CDYL2: variants seen among roughly 807,000 people sequenced by gnomAD.
CDYL2 encodes the protein chromodomain Y-like protein 2.
In CDYL2, 23 loss-of-function variants were observed where a neutral mutation model predicts 49.4. The observed-to-expected ratio is 0.47, with a 90% CI of 0.34 to 0.66. The LOEUF (loss-of-function observed/expected upper bound fraction) is 0.66. Ranked by LOEUF, CDYL2 falls within the 30% of genes least tolerant of loss-of-function variation. The pLI is 0.01. For missense variants in CDYL2, 678 were observed against 656.4 expected (o/e 1.03, Z -0.36); for synonymous variants, 360 against 268.8 (o/e 1.34, Z -3.32).
At chr16:80,685,191 G>T (rs758056930) in intron 1 of CDYL2, 62 bp from the exon 2 acceptor site, 1 of 1,302,708 alleles carries the variant, frequency 7.7e-7, no homozygotes, top group Non-Finnish European at 1.1e-6. Context: ...CTCAGTTCGA[G>T]GCAACAAGAA....
chr16:80,654,206 C>T (rs1432477187), intron 2 of CDYL2, among the ~76,000 whole-genome samples: 1 of 152,172 alleles, frequency 6.6e-6, no homozygotes, highest in African/African-American at 2.4e-5. Flanking sequence ...AAAGTCACTA[C>T]AGAGACTGAG....
At chr16:80,765,393 A>C (rs985810267) in intron 1 of CDYL2, among the ~76,000 whole-genome samples, 1 of 151,842 alleles carries the variant, frequency 6.6e-6, no homozygotes, top group Non-Finnish European at 1.5e-5. Context: ...AAGAAGTTAC[A>C]TATTTTCAGC....
intron 2 of CDYL2, among the ~76,000 whole-genome samples, chr16:80,679,151 T>C (rs1276774115): frequency 6.7e-6 from 1 of 149,264 alleles, no homozygotes; most frequent in African/African-American, 2.5e-5. Context: ...TTGGGAGATA[T>C]ACCTAATGCT....
At chr16:80,776,765 C>T (rs1402204813) in intron 1 of CDYL2, among the ~76,000 whole-genome samples, 3 of 151,494 alleles carry the variant, frequency 2.0e-5, no homozygotes, top group Non-Finnish European at 4.4e-5. Flanking sequence ...AAATTTTAAA[C>T]CCAGGAAAAA....
intron 1 of CDYL2, among the ~76,000 whole-genome samples, chr16:80,768,091 C>A (rs910658010): frequency 2.6e-5 from 4 of 152,198 alleles, no homozygotes; most frequent in Admixed American, 2.6e-4. Context: ...CCCATTCCCC[C>A]ACTGCCACAC....
chr16:80,681,537 C>T (rs1281209681), intron 2 of CDYL2, among the ~76,000 whole-genome samples: 1 of 152,164 alleles, frequency 6.6e-6, no homozygotes, highest in African/African-American at 2.4e-5. Context: ...GAACCTCAAA[C>T]CACTCTCTTC....
At chr16:80,683,299 G>T (rs1359539389) in intron 2 of CDYL2, among the ~76,000 whole-genome samples, 1 of 152,198 alleles carries the variant, frequency 6.6e-6, no homozygotes, top group Admixed American at 6.5e-5. Flanking sequence ...AGAGACAAAT[G>T]CCACCAGGTA....
At chr16:80,734,267 G>A (rs1402543067) in intron 1 of CDYL2, among the ~76,000 whole-genome samples, 1 of 152,178 alleles carries the variant, frequency 6.6e-6, no homozygotes, top group Non-Finnish European at 1.5e-5. Context: ...GAAAGGCAAG[G>A]AGATTTCAAG....
chr16:80,754,392 C>A (rs1906238389), intron 1 of CDYL2, among the ~76,000 whole-genome samples: 1 of 152,184 alleles, frequency 6.6e-6, no homozygotes, highest in South Asian at 2.1e-4. Flanking sequence ...AAGCCACAAG[C>A]AAAGGCCACC....
intron 1 of CDYL2, among the ~76,000 whole-genome samples, chr16:80,779,843 C>T (rs1253027086): frequency 6.6e-6 from 1 of 152,114 alleles, no homozygotes; most frequent in Non-Finnish European, 1.5e-5. Context: ...ATGGTGAACA[C>T]TGCTAAATTA....
intron 1 of CDYL2, among the ~76,000 whole-genome samples, chr16:80,708,594 A>C (rs943867493): frequency 1.3e-5 from 2 of 152,208 alleles, no homozygotes; most frequent in African/African-American, 4.8e-5. Context: ...TCCCATTTTG[A>C]GGATGAGGCT....
At chr16:80,618,485 C>T (rs1906931731) in intron 4 of CDYL2, among the ~76,000 whole-genome samples, 1 of 152,204 alleles carries the variant, frequency 6.6e-6, no homozygotes, top group Non-Finnish European at 1.5e-5. Context: ...GTCAAGGAGA[C>T]ACTTCCCTCA....
intron 5 of CDYL2, among the ~76,000 whole-genome samples, chr16:80,609,095 G>A (rs1906478921): frequency 6.6e-6 from 1 of 152,136 alleles, no homozygotes; most frequent in African/African-American, 2.4e-5. Context: ...GGTGACCTGG[G>A]ATATCTCTGT....
At chr16:80,670,932 C>A (rs928930686) in intron 2 of CDYL2, 9 of 455,982 alleles carry the variant, frequency 2.0e-5, no homozygotes, top group Middle Eastern at 3.2e-4. Context: ...GCCTCACCAG[C>A]TGTTCTTCCA....
intron 1 of CDYL2, among the ~76,000 whole-genome samples, chr16:80,692,414 G>A (rs1409150998): frequency 6.6e-6 from 1 of 152,122 alleles, no homozygotes; most frequent in Admixed American, 6.5e-5. Context: ...ATGAGAACGG[G>A]GGAAGAAGAT....
intron 2 of CDYL2, among the ~76,000 whole-genome samples, chr16:80,682,361 G>A (rs143067918): frequency 2.0e-5 from 3 of 152,336 alleles, no homozygotes; most frequent in African/African-American, 7.2e-5. Flanking sequence ...ACAATCAACG[G>A]ATCTCAACAG....
chr16:80,793,789 T>C (rs796706850), intron 1 of CDYL2, among the ~76,000 whole-genome samples: 16 of 152,214 alleles, frequency 1.1e-4, no homozygotes, highest in African/African-American at 3.4e-4. Context: ...TTTGTAAGTT[T>C]AGCTTATGAT....
chr16:80,763,526 C>A (rs1375928420), intron 1 of CDYL2, among the ~76,000 whole-genome samples: 1 of 151,966 alleles, frequency 6.6e-6, no homozygotes, highest in Non-Finnish European at 1.5e-5. Context: ...GTGGGAGAAT[C>A]ACTTGAACCC....
intron 1 of CDYL2, among the ~76,000 whole-genome samples, chr16:80,780,187 C>T (rs1907217986): frequency 6.6e-6 from 1 of 152,030 alleles, no homozygotes; most frequent in African/African-American, 2.4e-5. Flanking sequence ...TACCATTCTA[C>T]AAACTTCTAA....
Sources: gnomAD v4.1 joint callset for allele counts (sites outside exome capture counted in the v4.1 genomes callset) on GRCh38, gnomAD v4.1.1 for gene constraint, MANE v1.5 for transcripts, NCBI Gene and HGNC (gene_info 2026-07-23, HGNC 2026-07-21) for gene names.